Variants in ROBO1 observed in about 807,000 individuals in gnomAD.
The protein encoded by ROBO1 is roundabout guidance receptor 1.
ROBO1 carries 149 observed loss-of-function variants against 195.9 expected under a neutral mutation model. That is an observed-to-expected ratio of 0.76 (90% CI 0.67 to 0.87). ROBO1 has a LOEUF of 0.87. Ranked by LOEUF, ROBO1 falls within the 40% of genes least tolerant of loss-of-function variation. The pLI, the probability that ROBO1 is intolerant of heterozygous loss-of-function variation, is 0.00. For missense variants in ROBO1, 1,933 were observed against 2,068.3 expected (o/e 0.93, Z 1.27); for synonymous variants, 816 against 733.2 (o/e 1.11, Z -1.82).
intron 1 of ROBO1, among the ~76,000 whole-genome samples, chr3:79,764,501 G>A (rs1010517622): frequency 6.6e-6 from 1 of 152,170 alleles, no homozygotes; most frequent in Non-Finnish European, 1.5e-5. Context: ...CATTTCAAAT[G>A]GTGCATTGCA....
At chr3:79,602,649 A>C (rs1944371504) in intron 1 of ROBO1, among the ~76,000 whole-genome samples, 1 of 152,024 alleles carries the variant, frequency 6.6e-6, no homozygotes, top group Non-Finnish European at 1.5e-5. Flanking sequence ...GTTGGATTGC[A>C]AATTAATTTA....
At chr3:78,606,617 C>T in intron 29 of ROBO1, 116 bp downstream of exon 29, 1 of 969,688 alleles carries the variant, frequency 1.0e-6, no homozygotes. Context: ...CTATCTCCTC[C>T]ACTGGAGAGC....
chr3:79,744,858 A>T (rs1703801458), intron 1 of ROBO1, among the ~76,000 whole-genome samples: 3 of 152,256 alleles, frequency 2.0e-5, no homozygotes, highest in Admixed American at 1.3e-4. Flanking sequence ...TGAAGTGATG[A>T]ATGATAAAAA....
intron 2 of ROBO1, among the ~76,000 whole-genome samples, chr3:79,302,762 A>T (rs930313710): frequency 6.6e-6 from 1 of 152,176 alleles, no homozygotes; most frequent in African/African-American, 2.4e-5. Context: ...TCAGAAAAAG[A>T]GAAGAGAGTA....
intron 1 of ROBO1, among the ~76,000 whole-genome samples, chr3:79,744,999 C>T (rs1009778117): frequency 1.3e-4 from 19 of 151,856 alleles, no homozygotes; most frequent in African/African-American, 3.9e-4. Context: ...AAATGGTATC[C>T]AATGATTATT....
chr3:79,343,939 G>T (rs932708804), intron 2 of ROBO1, among the ~76,000 whole-genome samples: 2 of 152,148 alleles, frequency 1.3e-5, no homozygotes, highest in African/African-American at 4.8e-5. Context: ...GGATCATTTG[G>T]TGTATTTATA....
At chr3:79,058,420 C>T (rs1320578031) in intron 3 of ROBO1, among the ~76,000 whole-genome samples, 2 of 152,030 alleles carry the variant, frequency 1.3e-5, no homozygotes. Context: ...GTATGATACT[C>T]CCCATTCTGA....
chr3:79,558,302 T>C (rs771581753), intron 2 of ROBO1, among the ~76,000 whole-genome samples: 1 of 152,170 alleles, frequency 6.6e-6, no homozygotes, highest in South Asian at 2.1e-4. Flanking sequence ...GTAAAGACGA[T>C]GAAGGAACAC....
At chr3:79,047,389 GA>G (rs374932230) in intron 3 of ROBO1, among the ~76,000 whole-genome samples, 127 of 152,120 alleles carry the variant, frequency 8.3e-4, no homozygotes, top group African/African-American at 2.8e-3. Context: ...AAAGTGCCAA[GA>G]CTTTTGAAAA....
intron 2 of ROBO1, among the ~76,000 whole-genome samples, chr3:79,167,466 T>A (rs765514074): frequency 9.2e-5 from 14 of 152,180 alleles, no homozygotes; most frequent in Non-Finnish European, 1.6e-4. Flanking sequence ...CTATAACTTA[T>A]ATCTTTATAA....
At chr3:78,776,153 G>A (rs333474) in intron 4 of ROBO1, among the ~76,000 whole-genome samples, 8,291 of 152,168 alleles carry the variant, frequency 0.054, 300 homozygotes, top group Middle Eastern at 0.11. Flanking sequence ...AGTTTTAAGG[G>A]AATAGTAGAC....
At chr3:79,117,385 A>AC (rs2080025853) in intron 3 of ROBO1, among the ~76,000 whole-genome samples, 1 of 151,992 alleles carries the variant, frequency 6.6e-6, no homozygotes, top group African/African-American at 2.4e-5. Flanking sequence ...AAAAACAAAA[A>AC]AAAAAAGAGC....
At chr3:79,764,987 T>C (rs1412589486) in intron 1 of ROBO1, among the ~76,000 whole-genome samples, 1 of 152,200 alleles carries the variant, frequency 6.6e-6, no homozygotes, top group Non-Finnish European at 1.5e-5. Context: ...TGGAAATCAC[T>C]AACCTTCATA....
chr3:78,672,904 G>C (rs1708147355), intron 10 of ROBO1, among the ~76,000 whole-genome samples: 1 of 152,094 alleles, frequency 6.6e-6, no homozygotes, highest in Non-Finnish European at 1.5e-5. Flanking sequence ...TTTGGAGTCA[G>C]AAAATGTTAG....
At chr3:79,669,143 G>A (rs1946558233) in intron 1 of ROBO1, among the ~76,000 whole-genome samples, 3 of 151,718 alleles carry the variant, frequency 2.0e-5, no homozygotes, top group Admixed American at 1.3e-4. Flanking sequence ...CTGAATCATG[G>A]GAGCGGGTCT....
At chr3:79,350,332 C>T (rs950120651) in intron 2 of ROBO1, among the ~76,000 whole-genome samples, 7 of 152,152 alleles carry the variant, frequency 4.6e-5, no homozygotes, top group Admixed American at 1.3e-4. Context: ...ATTTTATCCT[C>T]ACGCATTGCT....
chr3:79,128,826 A>G (rs528058353), intron 2 of ROBO1, among the ~76,000 whole-genome samples: 5 of 152,258 alleles, frequency 3.3e-5, no homozygotes, highest in Admixed American at 3.3e-4. Context: ...GTTTTAAAAA[A>G]TCTTTTTTCT....
At chr3:79,342,662 A>AG (rs1217878733) in intron 2 of ROBO1, among the ~76,000 whole-genome samples, 2 of 152,124 alleles carry the variant, frequency 1.3e-5, no homozygotes, top group African/African-American at 4.8e-5. Context: ...GGAGTAAGGG[A>AG]GGGAAAAAAG....
chr3:79,704,918 C>A (rs531027654), intron 1 of ROBO1, among the ~76,000 whole-genome samples: 4 of 151,972 alleles, frequency 2.6e-5, no homozygotes, highest in Non-Finnish European at 4.4e-5. Flanking sequence ...TTGTCGTCTG[C>A]GTTTCCCTGA....
Sources: allele counts gnomAD v4.1 joint callset (sites outside exome capture counted in the v4.1 genomes callset), GRCh38; gene constraint gnomAD v4.1.1; transcripts MANE v1.5; gene names NCBI Gene and HGNC (gene_info 2026-07-23, HGNC 2026-07-21).